TPTE2: variants seen among roughly 807,000 people sequenced by gnomAD.
TPTE2 encodes the protein transmembrane phosphoinositide 3-phosphatase and tensin homolog 2.
In TPTE2, 53 loss-of-function variants were observed where a neutral mutation model predicts 78.6. The ratio of observed to expected loss-of-function variants is 0.67; its 90% CI spans 0.54 to 0.85. The LOEUF is 0.85. Among genes scored for constraint, TPTE2 ranks in the 40% least tolerant of loss-of-function variants. The pLI is 0.00. For synonymous variants in TPTE2, 175 were observed against 206.2 expected (o/e 0.85, Z 1.30); for missense variants, 461 against 623.0 (o/e 0.74, Z 2.77).
chr13:19,475,484 C>G (rs549943891), intron 5 of TPTE2, 89 bp downstream of exon 8: 6 of 1,477,384 alleles, frequency 4.1e-6, no homozygotes, highest in Non-Finnish European at 5.5e-6. Flanking sequence ...CCTCAGCCCC[C>G]CAGAGTGCTG....
Position 19,487,229 on chromosome 13 carries a change from G to A in TPTE2, c.120-4682C>T, listed in dbSNP as rs372466213. ...GAGTAAGCTCCCAGGGTTCTTTCTC[G>A]GCCCTGAGACTTGGGCATACACAGC... On this transcript the variant is annotated intron_variant, in intron 3 of 19. Coordinates refer to ENST00000400230, the Ensembl canonical transcript of TPTE2. 7.2e-4 allele frequency among the ~76,000 whole-genome samples: 109 copies of A among 152,080 alleles called. No homozygotes were observed. In the South Asian group the frequency reaches 0.019, roughly 26 times the overall value.
chr13:19,469,378 G>A (rs1879472092), intron 6 of TPTE2, among the ~76,000 whole-genome samples: 1 of 152,122 alleles, frequency 6.6e-6, no homozygotes, highest in Non-Finnish European at 1.5e-5. Context: ...TGTTCCAGTG[G>A]TCTATGTGTC....
At chr13:19,440,597 C>T (rs1877423308) in intron 13 of TPTE2, among the ~76,000 whole-genome samples, 1 of 151,934 alleles carries the variant, frequency 6.6e-6, no homozygotes, top group Admixed American at 6.6e-5. Context: ...TAGTGAAACT[C>T]CGTCTTTACT....
At chr13:19,459,608 C>T (rs956420346) in intron 10 of TPTE2, among the ~76,000 whole-genome samples, 1 of 152,162 alleles carries the variant, frequency 6.6e-6, no homozygotes, top group Admixed American at 6.5e-5. Context: ...GACCAAACTG[C>T]AGAGATGGCA....
chr13:19,551,423 C>G, the TPTE2 span, among the ~76,000 whole-genome samples: 2 of 152,002 alleles, frequency 1.3e-5, no homozygotes, highest in Non-Finnish European at 2.9e-5. Context: ...AACCCCATCT[C>G]TACTAAAAAT....
chr13:19,547,451 C>A, the TPTE2 span, among the ~76,000 whole-genome samples: 2 of 152,080 alleles, frequency 1.3e-5, no homozygotes, highest in African/African-American at 4.8e-5. Context: ...AACTGGCTAT[C>A]ATTTCAGAAG....
At position 19,465,563 on chromosome 13, in the gene TPTE2, A is replaced by G. The variant is rs201557972; in HGVS notation, c.514T>C (p.Trp172Arg). ...CGTAGAAGTCGAACTAAATGTGTCC[A>G]TCTAACAATAAATTTAAAAGATCCA... Residue 172 changes from tryptophan (W) to arginine (R), a missense_variant and splice_region_variant, in exon 8 of 20, where the codon TGG becomes CGG. Trp to Arg is a moderately radical substitution (Grantham distance 101, BLOSUM62 -3). Transcript: ENST00000400230. 870 of 1,583,396 alleles carry G rather than the reference A, an allele frequency of 5.5e-4. 20 individuals carry two copies. The South Asian group carries it at 8.7e-3, about 16-fold the overall frequency.
intron 4 of TPTE2, among the ~76,000 whole-genome samples, chr13:19,478,595 A>G (rs994480354): frequency 8.5e-5 from 13 of 152,358 alleles, no homozygotes; most frequent in African/African-American, 3.1e-4. Flanking sequence ...TGTGGAAGAC[A>G]GTGTGGTGAT....
At chr13:19,504,552 C>T (rs188298869), upstream of TPTE2, among the ~76,000 whole-genome samples, 516 of 152,220 alleles carry the variant, frequency 3.4e-3, 3 homozygotes, top group African/African-American at 0.012. Context: ...TGTTGCTCTG[C>T]ATAGGGTTTT....
Position 19,430,484 on chromosome 13 carries a change from G to T in TPTE2, c.1286C>A (p.Ser429Ter). The T allele has an allele frequency of 6.2e-7, 1 of 1,610,284 alleles. No individual in the cohort carries two copies. Among genetic ancestry groups the T allele is most frequent in the Non-Finnish European group, 8.5e-7 (1 of 1,178,648 alleles). The change falls in exon 17 of 20, where the codon TCA becomes TAA. Residue 429 changes from serine to a stop codon, truncating the protein, a stop_gained. Transcript: ENST00000400230. LOFTEE classifies it high-confidence loss of function. The stretch of plus-strand genomic sequence containing the variant: ...TTCTCTTACCGAACAATTTCCTAAT[G>T]AAGTACTGGAAAAGACAACCTTTTT...
intron 12 of TPTE2, 44 bp downstream of exon 15, chr13:19,450,219 T>A (rs1383299672): frequency 1.2e-6 from 2 of 1,610,408 alleles, no homozygotes; most frequent in South Asian, 2.2e-5. Context: ...TCAAGCCCAA[T>A]ATATTTAGCC....
rs566567786 is a variant in TPTE2 at position 19,496,199 on chromosome 13, C to T, written c.12-2698G>A. On this transcript the variant is annotated intron_variant, in intron 1 of 19. Coordinates refer to ENST00000400230, the Ensembl canonical transcript of TPTE2. ...ACTTTTCAACCTGTAAATTGCCTTA[C>T]CCTTACAGAAGTCATGTGTGTATTT... 1.2e-4 allele frequency among the ~76,000 whole-genome samples: 18 copies of T among 152,276 alleles called. No individual in the cohort carries two copies. The South Asian group carries it at 3.3e-3, about 28-fold the overall frequency.
intron 1 of TPTE2, among the ~76,000 whole-genome samples, chr13:19,517,866 G>T (rs1275640525): frequency 6.6e-6 from 1 of 152,142 alleles, no homozygotes; most frequent in East Asian, 1.9e-4. Context: ...TGGGGTGGGG[G>T]AGAATGTACC....
chr13:19,472,071 T>A (rs1879652876), intron 6 of TPTE2, among the ~76,000 whole-genome samples: 1 of 152,206 alleles, frequency 6.6e-6, no homozygotes, highest in Non-Finnish European at 1.5e-5. Flanking sequence ...ATTATTGGTT[T>A]CTTTTCTCTT....
chr13:19,491,030 G>A (rs1283068402), intron 3 of TPTE2, among the ~76,000 whole-genome samples: 1 of 152,094 alleles, frequency 6.6e-6, no homozygotes, highest in African/African-American at 2.4e-5. Context: ...AAGAAAGAAA[G>A]GTACCTGCAG....
At chr13:19,557,664 G>A in the TPTE2 span, among the ~76,000 whole-genome samples, 1 of 152,124 alleles carries the variant, frequency 6.6e-6, no homozygotes, top group African/African-American at 2.4e-5. Context: ...GGATGTTACA[G>A]TCCCAAGTTT....
At chr13:19,467,786 T>A (rs1037492703) in intron 6 of TPTE2, among the ~76,000 whole-genome samples, 25 of 151,914 alleles carry the variant, frequency 1.6e-4, no homozygotes, top group African/African-American at 6.0e-4. Flanking sequence ...ACTCATTCTA[T>A]TTTTTTGTAC....
intron 1 of TPTE2, among the ~76,000 whole-genome samples, chr13:19,525,018 T>C (rs1006758400): frequency 1.3e-5 from 2 of 152,142 alleles, no homozygotes; most frequent in African/African-American, 4.8e-5. Flanking sequence ...GGAAGTCTCA[T>C]GATAATTTTG....
intron 1 of TPTE2, among the ~76,000 whole-genome samples, chr13:19,531,950 A>AT (rs975336616): frequency 6.6e-6 from 1 of 152,194 alleles, no homozygotes; most frequent in African/African-American, 2.4e-5. Flanking sequence ...AAAGTAGAGG[A>AT]TGGGGCAATA....
Sources: allele counts gnomAD v4.1 joint callset (sites outside exome capture counted in the v4.1 genomes callset), GRCh38; gene constraint gnomAD v4.1.1; transcripts MANE v1.5; gene names NCBI Gene and HGNC (gene_info 2026-07-23, HGNC 2026-07-21).